The following CTNNA3 variants were observed in gnomAD, a reference collection of about 807,000 sequenced individuals.
CTNNA3 encodes catenin alpha 3.
In CTNNA3, 76 loss-of-function variants were observed where a neutral mutation model predicts 95.7. The ratio of observed to expected loss-of-function variants is 0.79; its 90% confidence interval spans 0.66 to 0.96. The LOEUF is 0.96. Among genes scored for constraint, CTNNA3 ranks in the 40% least tolerant of loss-of-function variants. The pLI, the probability that CTNNA3 is intolerant of heterozygous loss-of-function variation, is 0.00. For missense variants in CTNNA3, 1,191 were observed against 1,089.8 expected, an observed-to-expected ratio of 1.09 and a Z score of -1.31; for synonymous variants, 431 against 374.4, an observed-to-expected ratio of 1.15 and a Z score of -1.74.
chr10:66,138,142 ATATATG>A (rs2083445399), intron 13 of CTNNA3, among the ~76,000 whole-genome samples: 1 of 152,136 alleles, frequency 6.6e-6, no homozygotes. Flanking sequence ...ATAAACCCAA[ATATATG>A]TATATATGTA....
At chr10:67,451,549 A>C (rs985723755) in intron 5 of CTNNA3, among the ~76,000 whole-genome samples, 10 of 152,184 alleles carry the variant, frequency 6.6e-5, no homozygotes, top group Non-Finnish European at 1.5e-5. Flanking sequence ...GAAAGAGGAA[A>C]TACATCTAGC....
At chr10:66,591,366 C>A (rs999298133) in intron 10 of CTNNA3, among the ~76,000 whole-genome samples, 1 of 152,092 alleles carries the variant, frequency 6.6e-6, no homozygotes, top group Non-Finnish European at 1.5e-5. Context: ...AATTAAGTAC[C>A]TTCATAATTA....
intron 13 of CTNNA3, among the ~76,000 whole-genome samples, chr10:66,162,498 G>A (rs1328007934): frequency 2.0e-5 from 3 of 152,040 alleles, no homozygotes; most frequent in South Asian, 4.1e-4. Flanking sequence ...GCCACCCAGC[G>A]AGTCTACCCG....
intron 9 of CTNNA3, among the ~76,000 whole-genome samples, chr10:66,651,875 C>T (rs1845919202): frequency 6.6e-6 from 1 of 151,474 alleles, no homozygotes; most frequent in Non-Finnish European, 1.5e-5. Context: ...TCGGCCAGCC[C>T]AGAGAGGGGC....
In CTNNA3 at chr10:66,653,402, C is replaced by G. The variant is rs76829935; in HGVS notation, c.1282-31618G>C. The stretch of plus-strand genomic sequence containing the variant: ...TAAAATACGCAGAAATAAATTTAAA[C>G]GAGGTAAAAGACCTGTGGATTGAAA... On this transcript the variant is annotated intron_variant, in intron 9 of 17. Transcript: ENST00000433211. 1.9e-4 allele frequency among the ~76,000 whole-genome samples: 29 copies of G among 151,486 alleles called. 1 individual carries two copies. In the East Asian group the frequency reaches 5.6e-3, roughly 29 times the overall value.
intron 7 of CTNNA3, among the ~76,000 whole-genome samples, chr10:67,002,604 T>A (rs1246199119): frequency 6.6e-6 from 1 of 152,156 alleles, no homozygotes; most frequent in Non-Finnish European, 1.5e-5. Context: ...AGGTAAATTA[T>A]CTCAGAGCTG....
chr10:66,125,204 A>T (rs2082764358), intron 13 of CTNNA3, among the ~76,000 whole-genome samples: 1 of 152,112 alleles, frequency 6.6e-6, no homozygotes. Context: ...GTAAAATTAA[A>T]TCTTTTTTTC....
At chr10:67,398,544 T>C (rs553986544) in intron 5 of CTNNA3, among the ~76,000 whole-genome samples, 2 of 152,350 alleles carry the variant, frequency 1.3e-5, no homozygotes, top group African/African-American at 2.4e-5. Context: ...TTTGGGTTAA[T>C]GCTGGAATGA....
At chr10:67,195,536 G>A (rs1863320165) in intron 6 of CTNNA3, among the ~76,000 whole-genome samples, 1 of 151,618 alleles carries the variant, frequency 6.6e-6, no homozygotes, top group Non-Finnish European at 1.5e-5. Flanking sequence ...CTCCACCTCA[G>A]TGGTCTCCTT....
intron 10 of CTNNA3, among the ~76,000 whole-genome samples, chr10:66,534,980 T>G (rs1056456225): frequency 6.6e-6 from 1 of 152,124 alleles, no homozygotes; most frequent in African/African-American, 2.4e-5. Flanking sequence ...CTCAACAGAT[T>G]GCAAAAATTG....
chr10:66,158,405 G>T (rs2084663291), intron 13 of CTNNA3, among the ~76,000 whole-genome samples: 1 of 152,030 alleles, frequency 6.6e-6, no homozygotes, highest in South Asian at 2.1e-4. Context: ...TTGTTGAAAA[G>T]GGTGTCCTTT....
rs1438112818 is a variant in CTNNA3 at position 67,097,997 on chromosome 10, G to A, written c.1047+82320C>T. On this transcript the variant is annotated intron_variant, in intron 7 of 17. Transcript: ENST00000433211. ...TCTACACTTTGTAATTAGCTAAGTT[G>A]TGCAGTATTTTTTGACTTAAACAGA... 3 of 576,630 alleles carry A rather than the reference G, an allele frequency of 5.2e-6. No individual in the cohort carries two copies. The East Asian group carries it at 8.6e-5, about 17-fold the overall frequency. 35.7% of individuals were successfully genotyped at this position (576,630 alleles called of 1,614,324 possible).
intron 5 of CTNNA3, among the ~76,000 whole-genome samples, chr10:67,361,823 C>A (rs1475288664): frequency 2.6e-5 from 4 of 151,932 alleles, no homozygotes; most frequent in African/African-American, 9.7e-5. Context: ...AAAGCAGCAA[C>A]AAAACCAAAA....
At chr10:67,158,050 G>C (rs74142317) in intron 7 of CTNNA3, among the ~76,000 whole-genome samples, 173 of 152,008 alleles carry the variant, frequency 1.1e-3, no homozygotes, top group African/African-American at 4.0e-3. Flanking sequence ...ATTCCACCGG[G>C]ACTGGACTGC....
intron 9 of CTNNA3, among the ~76,000 whole-genome samples, chr10:66,684,599 G>A (rs1038636202): frequency 1.3e-5 from 2 of 151,824 alleles, no homozygotes; most frequent in East Asian, 1.9e-4. Flanking sequence ...TTATAATGAA[G>A]GCCAAAAAAA....
intron 5 of CTNNA3, among the ~76,000 whole-genome samples, chr10:67,355,619 T>C (rs550301910): frequency 4.0e-5 from 6 of 148,440 alleles, no homozygotes; most frequent in East Asian, 4.2e-4. Context: ...TGACAAGAAG[T>C]CAAGCAAAAA....
intron 5 of CTNNA3, among the ~76,000 whole-genome samples, chr10:67,498,939 C>G (rs1839135670): frequency 6.6e-6 from 1 of 152,158 alleles, no homozygotes; most frequent in Admixed American, 6.5e-5. Flanking sequence ...TTTCTCTTGC[C>G]TGATTGCCCT....
chr10:66,300,725 GA>G lies in CTNNA3; in HGVS notation c.1733-20105del, dbSNP rs201261425. 1.3e-3 allele frequency among the ~76,000 whole-genome samples: 186 copies of G among 146,638 alleles called. 3 individuals carry two copies. Among genetic ancestry groups the G allele is most frequent in the African/African-American group, 3.8e-3 (153 of 40,070 alleles). On this transcript the variant is annotated intron_variant, in intron 12 of 17. Coordinates refer to ENST00000433211, the MANE Select transcript of CTNNA3 (RefSeq NM_013266.4). Reference sequence around the variant, plus strand: ...AAGTATCAAGGTAAGGTATATATGAGAAAAAAAAAATTAAAGTCTATAACCT... The same window carrying G: ...AAGTATCAAGGTAAGGTATATATGAGAAAAAAAAATTAAAGTCTATAACCT...
chr10:66,444,947 C>T (rs1026722341), intron 11 of CTNNA3, among the ~76,000 whole-genome samples: 11 of 151,972 alleles, frequency 7.2e-5, no homozygotes, highest in South Asian at 2.1e-4. Flanking sequence ...TGCAGAGACA[C>T]GCATGGGCTC....
Sources: gnomAD v4.1 joint callset for allele counts (sites outside exome capture counted in the v4.1 genomes callset) on GRCh38, gnomAD v4.1.1 for gene constraint, MANE v1.5 for transcripts, NCBI Gene and HGNC (gene_info 2026-07-23, HGNC 2026-07-21) for gene names.